The following PTPRK variants were observed in gnomAD, a reference collection of about 807,000 sequenced individuals.
PTPRK encodes receptor-type tyrosine-protein phosphatase kappa.
In PTPRK, 75 loss-of-function variants were observed where a neutral mutation model predicts 178.0. The ratio of observed to expected loss-of-function variants is 0.42; its 90% CI spans 0.35 to 0.51. The LOEUF (loss-of-function observed/expected upper bound fraction) is 0.51, where lower values mean the gene tolerates loss of function less well. PTPRK is among the 20% of genes least tolerant of loss of function. The pLI is 0.02. For missense variants in PTPRK, 1,441 were observed against 1,797.8 expected, an observed-to-expected ratio of 0.80 and a Z score of 3.59; for synonymous variants, 637 against 620.6, an observed-to-expected ratio of 1.03 and a Z score of -0.39.
rs929573932 is a variant in PTPRK, at chr6:128,219,022, T to C, written c.768A>G (p.Arg256=). 6.2e-7 allele frequency: 1 copy of C among 1,613,962 alleles called. No individual in the cohort carries two copies. Among genetic ancestry groups the C allele is most frequent in the Non-Finnish European group, 8.5e-7 (1 of 1,179,840 alleles). Reference sequence around the variant, plus strand: ...GGTCAGTTTTTGTCACTTCTTGCAATCTGAAGGAAGCGGCAAACCTTCTAT... The same window carrying C: ...GGTCAGTTTTTGTCACTTCTTGCAACCTGAAGGAAGCGGCAAACCTTCTAT... ...INHRRFAASF[R]LQEVTKTDQD... The change falls in exon 6 of 30, where the codon AGA becomes AGG. Residue 256 remains arginine (R), a synonymous_variant. Transcript: ENST00000368226.
chr6:127,991,113 AC>A lies in PTPRK; in HGVS notation c.2979+180del, dbSNP rs552746550. On this transcript the variant is annotated intron_variant, in intron 20 of 29. Transcript: ENST00000368226. ...GTACAAAATTAAAGCTTATTTTATT[AC>A]TCAATGAGAAATCAAATAATTTTTC... Among the ~76,000 whole-genome samples the A allele has an allele frequency of 2.2e-3, 329 of 152,146 alleles. 2 individuals carry two copies. The highest frequency in any genetic ancestry group is 7.2e-3 in the South Asian group (35 of 4,828).
At chr6:128,482,544 T>C (rs1009875298) in intron 1 of PTPRK, among the ~76,000 whole-genome samples, 3 of 152,102 alleles carry the variant, frequency 2.0e-5, no homozygotes, top group African/African-American at 7.2e-5. Flanking sequence ...ACAGACTCAA[T>C]GGAAAGGCTA....
intron 13 of PTPRK, among the ~76,000 whole-genome samples, chr6:128,011,677 G>A (rs1165901403): frequency 1.3e-5 from 2 of 151,122 alleles, no homozygotes; most frequent in African/African-American, 4.8e-5. Context: ...ACATGAGGGT[G>A]ATGGGTAAAA....
At chr6:128,427,448 A>G (rs2128391128) in intron 1 of PTPRK, among the ~76,000 whole-genome samples, 1 of 152,292 alleles carries the variant, frequency 6.6e-6, no homozygotes, top group Middle Eastern at 3.4e-3. Context: ...TATCAACCCT[A>G]TCAATAAGCA....
intron 3 of PTPRK, among the ~76,000 whole-genome samples, chr6:128,281,324 G>C (rs1325495840): frequency 1.3e-5 from 2 of 152,104 alleles, no homozygotes; most frequent in Non-Finnish European, 2.9e-5. Context: ...ACAATTTTTA[G>C]GTTTCACTTA....
chr6:128,334,233 C>T (rs916745805), intron 2 of PTPRK, among the ~76,000 whole-genome samples: 8 of 152,130 alleles, frequency 5.3e-5, no homozygotes, highest in Non-Finnish European at 8.8e-5. Flanking sequence ...TTTTGTTACA[C>T]AAAATGAAAT....
chr6:128,085,659 T>C (rs1785653720), intron 8 of PTPRK, among the ~76,000 whole-genome samples: 1 of 152,196 alleles, frequency 6.6e-6, no homozygotes, highest in South Asian at 2.1e-4. Context: ...TAATTCTACA[T>C]TGAAAAAGGA....
At chr6:128,420,163 A>G (rs936832591) in intron 1 of PTPRK, among the ~76,000 whole-genome samples, 22 of 152,226 alleles carry the variant, frequency 1.4e-4, no homozygotes, top group African/African-American at 4.8e-4. Context: ...TTCCCCAAAA[A>G]GGAATGGAAC....
chr6:127,983,531 T>C (rs1205843763), intron 22 of PTPRK, among the ~76,000 whole-genome samples, 154 bp from the exon 23 acceptor site: 1 of 152,210 alleles, frequency 6.6e-6, no homozygotes, highest in African/African-American at 2.4e-5. Flanking sequence ...AGCTTATTAA[T>C]GTACAAATAG....
At chr6:128,177,249 G>C (rs532214868) in intron 7 of PTPRK, among the ~76,000 whole-genome samples, 2 of 151,422 alleles carry the variant, frequency 1.3e-5, no homozygotes, top group African/African-American at 2.4e-5. Context: ...TATACTCCTG[G>C]TGTTATCATC....
intron 2 of PTPRK, among the ~76,000 whole-genome samples, chr6:128,322,858 G>A (rs1829019110): frequency 6.6e-6 from 1 of 151,974 alleles, no homozygotes; most frequent in South Asian, 2.1e-4. Flanking sequence ...GTGATCATTT[G>A]TAACATACTA....
intron 27 of PTPRK, among the ~76,000 whole-genome samples, chr6:127,974,095 T>A (rs1774244516): frequency 6.6e-6 from 1 of 152,184 alleles, no homozygotes; most frequent in African/African-American, 2.4e-5. Flanking sequence ...ACTTTCAGAT[T>A]CATTGCCTTC....
At chr6:128,353,147 G>T (rs1833421868) in intron 2 of PTPRK, among the ~76,000 whole-genome samples, 1 of 152,164 alleles carries the variant, frequency 6.6e-6, no homozygotes, top group Non-Finnish European at 1.5e-5. Flanking sequence ...TCAGCCATTA[G>T]AGAAACGCAA....
At chr6:127,981,396 G>A (rs1297223395) in intron 24 of PTPRK, 107 bp from the exon 25 acceptor site, 3 of 939,410 alleles carry the variant, frequency 3.2e-6, no homozygotes, top group Non-Finnish European at 4.7e-6. Context: ...AAGGATTTGT[G>A]CGAGGCAATG....
chr6:128,000,414 C>T (rs1274902173), intron 15 of PTPRK: 4 of 904,640 alleles, frequency 4.4e-6, no homozygotes, highest in Non-Finnish European at 5.7e-6. Flanking sequence ...TCTTTACTCC[C>T]TCTTATTAAG....
At chr6:128,459,048 A>G (rs1449074736) in intron 1 of PTPRK, among the ~76,000 whole-genome samples, 2 of 152,178 alleles carry the variant, frequency 1.3e-5, no homozygotes, top group Non-Finnish European at 2.9e-5. Flanking sequence ...TGAGCAGTAC[A>G]GGTTAAAAGT....
intron 3 of PTPRK, among the ~76,000 whole-genome samples, chr6:128,270,862 C>T (rs1188311805): frequency 2.0e-5 from 3 of 151,972 alleles, no homozygotes; most frequent in Non-Finnish European, 4.4e-5. Flanking sequence ...CATCAGTGTA[C>T]CAATCAGGCA....
At chr6:128,454,895 A>AT (rs1315715034) in intron 1 of PTPRK, among the ~76,000 whole-genome samples, 1 of 152,104 alleles carries the variant, frequency 6.6e-6, no homozygotes, top group African/African-American at 2.4e-5. Flanking sequence ...TCCTGAAGAA[A>AT]TTTTTTTAAT....
chr6:128,034,391 C>G (rs1775853488), intron 13 of PTPRK, among the ~76,000 whole-genome samples: 1 of 152,226 alleles, frequency 6.6e-6, no homozygotes. Flanking sequence ...AATACAACTT[C>G]CCTTTGCTAA....
Sources: gnomAD v4.1 joint callset for allele counts (sites outside exome capture counted in the v4.1 genomes callset) on GRCh38, gnomAD v4.1.1 for gene constraint, MANE v1.5 for transcripts, NCBI Gene and HGNC (gene_info 2026-07-23, HGNC 2026-07-21) for gene names.